MAPK4: variants seen among roughly 807,000 people sequenced by gnomAD.
MAPK4 encodes mitogen-activated protein kinase 4.
Under a neutral mutation model 47.7 loss-of-function variants are expected in MAPK4, and 22 were observed. The observed-to-expected ratio is 0.46, with a 90% CI of 0.33 to 0.66. The LOEUF (loss-of-function observed/expected upper bound fraction) is 0.66, where lower values mean the gene tolerates loss of function less well. Ranked by LOEUF, MAPK4 falls within the 30% of genes least tolerant of loss-of-function variation. The pLI is 0.02. For missense variants in MAPK4, 736 were observed against 831.7 expected, an observed-to-expected ratio of 0.88 and a Z score of 1.42; for synonymous variants, 390 against 365.7, an observed-to-expected ratio of 1.07 and a Z score of -0.76.
chr18:50,599,601 T>C (rs1025703941), intron 1 of MAPK4, among the ~76,000 whole-genome samples: 13 of 152,092 alleles, frequency 8.5e-5, no homozygotes, highest in African/African-American at 3.1e-4. Flanking sequence ...GTATTTTTAG[T>C]AGAGGCGGGG....
chr18:50,679,693 G>T (rs1908474253), intron 2 of MAPK4, among the ~76,000 whole-genome samples: 1 of 152,170 alleles, frequency 6.6e-6, no homozygotes, highest in South Asian at 2.1e-4. Context: ...AACTTTCCTG[G>T]TACCCTCTGT....
At chr18:50,625,190 GGAGA>G (rs2042766236) in intron 1 of MAPK4, among the ~76,000 whole-genome samples, 1 of 152,150 alleles carries the variant, frequency 6.6e-6, no homozygotes, top group Non-Finnish European at 1.5e-5. Context: ...GGGAGGCATG[GGAGA>G]GAGAACAAGT....
intron 2 of MAPK4, among the ~76,000 whole-genome samples, chr18:50,692,187 G>T (rs1164955567): frequency 6.6e-6 from 1 of 152,184 alleles, no homozygotes; most frequent in African/African-American, 2.4e-5. Context: ...CAACCCTTCT[G>T]CTGTTGCTCC....
intron 1 of MAPK4, among the ~76,000 whole-genome samples, chr18:50,570,216 C>T (rs975467821): frequency 1.3e-5 from 2 of 152,218 alleles, no homozygotes; most frequent in Non-Finnish European, 2.9e-5. Flanking sequence ...ACCCTGGTTG[C>T]AGCTGGAAAG....
intron 1 of MAPK4, among the ~76,000 whole-genome samples, chr18:50,659,175 C>T (rs989927078): frequency 6.6e-6 from 1 of 152,168 alleles, no homozygotes; most frequent in African/African-American, 2.4e-5. Flanking sequence ...TTTGCCAATG[C>T]CTGGTCTAGA....
At chr18:50,661,915 G>A (rs2043176129) in intron 1 of MAPK4, among the ~76,000 whole-genome samples, 1 of 152,182 alleles carries the variant, frequency 6.6e-6, no homozygotes, top group Admixed American at 6.5e-5. Context: ...AGCAACAATA[G>A]GTAACATCTG....
intron 2 of MAPK4, chr18:50,704,692 G>C (rs1175828789): frequency 1.3e-5 from 5 of 398,614 alleles, no homozygotes; most frequent in Non-Finnish European, 1.8e-5. Context: ...GCTGGAATCG[G>C]AGGGAACTTT....
intron 2 of MAPK4, among the ~76,000 whole-genome samples, chr18:50,673,928 C>T (rs1322900041): frequency 6.6e-6 from 1 of 152,092 alleles, no homozygotes; most frequent in Non-Finnish European, 1.5e-5. Context: ...ATTTCCTGTC[C>T]ATGTTGTTTT....
intron 1 of MAPK4, among the ~76,000 whole-genome samples, chr18:50,601,097 TAAAA>T (rs3080769): frequency 8.9e-5 from 12 of 134,464 alleles, no homozygotes; most frequent in Non-Finnish European, 1.4e-4. Context: ...CCTATCTCTG[TAAAA>T]AAAAAAAAAA....
At chr18:50,640,382 C>CA (rs34039185) in intron 1 of MAPK4, among the ~76,000 whole-genome samples, 37,087 of 128,612 alleles carry the variant, frequency 0.29, 4,851 homozygotes, top group Middle Eastern at 0.42. Flanking sequence ...TTCTTGTTTA[C>CA]AAAAAAAAAA....
chr18:50,636,095 T>C (rs1051721800), intron 1 of MAPK4, among the ~76,000 whole-genome samples: 9 of 152,200 alleles, frequency 5.9e-5, no homozygotes, highest in Admixed American at 5.9e-4. Flanking sequence ...CCCATTTCCT[T>C]CTATCTGGAG....
rs540907865 is a variant in MAPK4 at position 50,694,516 on chromosome 18, A to G, written c.547-20563A>G. On this transcript the variant is annotated intron_variant, in intron 2 of 5. Transcript: ENST00000400384. The stretch of plus-strand genomic sequence containing the variant: ...CGGAGCCCTATGTTAAGCTATTTAC[A>G]GTGGGCTCATGGCTGTATCTCCCCA... Among the ~76,000 whole-genome samples, 25 of 152,336 alleles carry G rather than the reference A, an allele frequency of 1.6e-4. No individual in the cohort carries two copies. The East Asian group carries it at 4.6e-3, about 28-fold the overall frequency.
intron 2 of MAPK4, 75 bp from the exon 3 acceptor site, chr18:50,715,004 G>A (rs1910564884): frequency 4.8e-6 from 7 of 1,458,860 alleles, no homozygotes; most frequent in Non-Finnish European, 6.6e-6. Context: ...TCATGGGAGG[G>A]GAAACTGGAA....
At chr18:50,716,699 C>G (rs1910653553) in intron 3 of MAPK4, among the ~76,000 whole-genome samples, 1 of 152,136 alleles carries the variant, frequency 6.6e-6, no homozygotes, top group Non-Finnish European at 1.5e-5. Context: ...GCTGACCTCT[C>G]TTCTCAGTGC....
intron 5 of MAPK4, among the ~76,000 whole-genome samples, chr18:50,726,554 G>C (rs1323311812): frequency 2.0e-5 from 3 of 152,162 alleles, no homozygotes; most frequent in Non-Finnish European, 2.9e-5. Flanking sequence ...ACAAAGCAGA[G>C]ATTACCATTA....
chr18:50,608,029 C>T (rs2042597423), intron 1 of MAPK4, among the ~76,000 whole-genome samples: 1 of 152,270 alleles, frequency 6.6e-6, no homozygotes, highest in South Asian at 2.1e-4. Flanking sequence ...TATTTAGTAT[C>T]ATGGAATTTT....
At chr18:50,600,079 G>C (rs933745712) in intron 1 of MAPK4, among the ~76,000 whole-genome samples, 14 of 152,132 alleles carry the variant, frequency 9.2e-5, no homozygotes, top group African/African-American at 3.4e-4. Flanking sequence ...CCGAGTAGAA[G>C]CCACTGTATT....
Position 50,729,293 on chromosome 18 carries a change from G to GCAAGGACTC in MAPK4, c.1205_1206insAGGACTCCA (p.Ser401_His402insGlnGlyLeu), listed in dbSNP as rs771339491. 1.1e-5 allele frequency: 18 copies of GCAAGGACTC among 1,608,344 alleles called. No homozygotes were observed. In the South Asian group the frequency reaches 1.9e-4, roughly 17 times the overall value. On this transcript the variant is annotated inframe_insertion, in exon 6 of 6. Coordinates refer to ENST00000400384, the MANE Select transcript of MAPK4 (RefSeq NM_002747.4). ...TGCAGGTGGACCCGCGCAAGGACTCGCACAGCAGCTCCGAGCGCTTCCTAG... is the reference window on the plus strand; with the variant it reads ...TGCAGGTGGACCCGCGCAAGGACTCGCAAGGACTCCACAGCAGCTCCGAGCGCTTCCTAG...
chr18:50,638,936 T>C (rs901757845), intron 1 of MAPK4, among the ~76,000 whole-genome samples: 10 of 152,172 alleles, frequency 6.6e-5, no homozygotes, highest in Non-Finnish European at 1.2e-4. Context: ...GGTGCTATGC[T>C]AGGAAACAGC....
Sources: allele counts gnomAD v4.1 joint callset (sites outside exome capture counted in the v4.1 genomes callset), GRCh38; gene constraint gnomAD v4.1.1; transcripts MANE v1.5; gene names NCBI Gene and HGNC (gene_info 2026-07-23, HGNC 2026-07-21).